The following MACROD2 variants were observed in gnomAD, a reference collection of about 807,000 sequenced individuals.
The protein encoded by MACROD2 is mono-ADP ribosylhydrolase 2, also known as ADP-ribose glycohydrolase MACROD2.
MACROD2 carries 36 observed loss-of-function variants against 70.4 expected under a neutral mutation model. That is an observed-to-expected ratio of 0.51 (90% CI 0.39 to 0.68). The LOEUF (loss-of-function observed/expected upper bound fraction) is 0.68, where lower values mean the gene tolerates loss of function less well. Ranked by LOEUF, MACROD2 falls within the 30% of genes least tolerant of loss-of-function variation. The pLI, the probability that MACROD2 is intolerant of heterozygous loss-of-function variation, is 0.00. For synonymous variants in MACROD2, 172 were observed against 178.8 expected (o/e 0.96, Z 0.30); for missense variants, 496 against 538.4 (o/e 0.92, Z 0.78).
At chr20:15,573,385 A>G (rs1396060658) in intron 8 of MACROD2, among the ~76,000 whole-genome samples, 3 of 152,184 alleles carry the variant, frequency 2.0e-5, no homozygotes, top group Non-Finnish European at 4.4e-5. Context: ...AGCTTTTTAT[A>G]GGAGTACGTG....
intron 4 of MACROD2, among the ~76,000 whole-genome samples, chr20:14,552,782 A>G (rs190875910): frequency 3.1e-3 from 470 of 152,252 alleles, no homozygotes; most frequent in Non-Finnish European, 4.6e-3. Flanking sequence ...GAAAAGGTAC[A>G]GTAAAAATTT....
intron 2 of MACROD2, chr20:14,051,905 CCT>C (rs2053572682): frequency 1.9e-6 from 1 of 517,082 alleles, no homozygotes; most frequent in Admixed American, 1.9e-5. Flanking sequence ...ACTTCTGAAC[CCT>C]CCACCATCAT....
intron 8 of MACROD2, among the ~76,000 whole-genome samples, chr20:15,713,575 CT>C (rs1318803043): frequency 6.6e-6 from 1 of 152,096 alleles, no homozygotes; most frequent in African/African-American, 2.4e-5. Context: ...GTGCTACACA[CT>C]TTCAAACAAC....
chr20:14,021,116 A>T (rs2053072580), intron 2 of MACROD2, among the ~76,000 whole-genome samples: 1 of 150,278 alleles, frequency 6.7e-6, no homozygotes, highest in Non-Finnish European at 1.5e-5. Flanking sequence ...CAGCCTCCCG[A>T]GTAGCTGGGA....
At chr20:15,585,478 G>T (rs193233335) in intron 8 of MACROD2, among the ~76,000 whole-genome samples, 168 of 152,274 alleles carry the variant, frequency 1.1e-3, no homozygotes, top group Non-Finnish European at 1.4e-3. Flanking sequence ...TTAGAGGCGT[G>T]AGCCACCATG....
intron 4 of MACROD2, among the ~76,000 whole-genome samples, chr20:14,614,416 G>A (rs1453023291): frequency 1.3e-5 from 2 of 152,072 alleles, no homozygotes; most frequent in East Asian, 1.9e-4. Context: ...ATCTTTGGGG[G>A]TGGGGCCCAG....
intron 5 of MACROD2, among the ~76,000 whole-genome samples, chr20:14,859,735 T>C (rs556065733): frequency 1.3e-5 from 2 of 152,318 alleles, no homozygotes; most frequent in South Asian, 4.1e-4. Flanking sequence ...ATTTTTCCAA[T>C]GCATAGTTTC....
intron 5 of MACROD2, among the ~76,000 whole-genome samples, chr20:14,701,783 G>T (rs532282208): frequency 2.6e-5 from 4 of 152,058 alleles, no homozygotes; most frequent in African/African-American, 9.7e-5. Context: ...ACAAAACATG[G>T]TGATCACTTC....
At chr20:14,856,818 C>T (rs544731860) in intron 5 of MACROD2, among the ~76,000 whole-genome samples, 2 of 152,126 alleles carry the variant, frequency 1.3e-5, no homozygotes, top group South Asian at 4.2e-4. Context: ...GGATGGTTGC[C>T]GCCACCATCA....
intron 10 of MACROD2, among the ~76,000 whole-genome samples, chr20:15,924,125 A>G (rs543953627): frequency 1.3e-5 from 2 of 152,344 alleles, no homozygotes; most frequent in Admixed American, 6.5e-5. Context: ...TTCCAAATCA[A>G]CATCTTTAAA....
chr20:15,916,147 T>C (rs2147278027), intron 10 of MACROD2, among the ~76,000 whole-genome samples: 1 of 152,212 alleles, frequency 6.6e-6, no homozygotes, highest in Non-Finnish European at 1.5e-5. Flanking sequence ...TAGCTGGAAG[T>C]CCTCATATAC....
chr20:14,399,006 T>C (rs1427560740), intron 3 of MACROD2, among the ~76,000 whole-genome samples: 2 of 151,500 alleles, frequency 1.3e-5, no homozygotes, highest in Non-Finnish European at 2.9e-5. Context: ...AAAAAGTTTT[T>C]ATGCCTCAAT....
intron 3 of MACROD2, among the ~76,000 whole-genome samples, chr20:14,398,916 C>T (rs536399006): frequency 6.6e-6 from 1 of 152,090 alleles, no homozygotes; most frequent in Non-Finnish European, 1.5e-5. Flanking sequence ...TTAAACAGCA[C>T]GCCCTGTTCA....
chr20:14,432,495 T>A (rs1339345725), intron 3 of MACROD2, among the ~76,000 whole-genome samples: 1 of 152,040 alleles, frequency 6.6e-6, no homozygotes, highest in Non-Finnish European at 1.5e-5. Flanking sequence ...AAAAAATGTG[T>A]TGAATAAATG....
intron 5 of MACROD2, among the ~76,000 whole-genome samples, chr20:14,722,018 A>C (rs1486369612): frequency 6.6e-6 from 1 of 152,210 alleles, no homozygotes; most frequent in Admixed American, 6.5e-5. Context: ...AAGAGGTATC[A>C]GTTACTGGCA....
intron 3 of MACROD2, among the ~76,000 whole-genome samples, chr20:14,332,285 A>G (rs1328139635): frequency 6.6e-6 from 1 of 152,090 alleles, no homozygotes; most frequent in East Asian, 1.9e-4. Context: ...AAACATGTAA[A>G]TAGATAAGGA....
chr20:14,821,160 A>G (rs1010182983), intron 5 of MACROD2, among the ~76,000 whole-genome samples: 3 of 152,126 alleles, frequency 2.0e-5, no homozygotes, highest in African/African-American at 7.2e-5. Context: ...ACACTGGAAT[A>G]CATTATTCTT....
At chr20:14,403,888 A>C (rs2083663947) in intron 3 of MACROD2, among the ~76,000 whole-genome samples, 2 of 152,136 alleles carry the variant, frequency 1.3e-5, no homozygotes, top group African/African-American at 2.4e-5. Context: ...AGCCCAAGAT[A>C]CCCTAAATAA....
At chr20:15,395,457 AG>A (rs1332566923) in intron 6 of MACROD2, among the ~76,000 whole-genome samples, 1 of 152,160 alleles carries the variant, frequency 6.6e-6, no homozygotes, top group Non-Finnish European at 1.5e-5. Flanking sequence ...AATTAACACA[AG>A]GGTTGGCAGG....
Sources: gnomAD v4.1 joint callset for allele counts (sites outside exome capture counted in the v4.1 genomes callset) on GRCh38, gnomAD v4.1.1 for gene constraint, MANE v1.5 for transcripts, NCBI Gene and HGNC (gene_info 2026-07-23, HGNC 2026-07-21) for gene names.